Variants in RARB observed in about 807,000 individuals in gnomAD.
RARB encodes the protein retinoic acid receptor beta.
In RARB, 17 loss-of-function variants were observed where a neutral mutation model predicts 51.9. The observed-to-expected ratio is 0.33, with a 90% CI of 0.22 to 0.49. The LOEUF is 0.49. RARB is among the 20% of genes least tolerant of loss of function. The probability of loss-of-function intolerance (pLI) is 0.99; values close to 1 mark genes in which losing one functional copy is unlikely to be tolerated. For synonymous variants in RARB, 215 were observed against 195.4 expected (o/e 1.10, Z -0.84); for missense variants, 369 against 550.8 (o/e 0.67, Z 3.30).
At chr3:24,863,919 G>A (rs958236482) in intron 2 of RARB, among the ~76,000 whole-genome samples, 1 of 151,934 alleles carries the variant, frequency 6.6e-6, no homozygotes, top group Non-Finnish European at 1.5e-5. Flanking sequence ...ACCTTCTCCT[G>A]TTCAAGGCCC....
At chr3:24,838,544 A>C (rs1443776368) in intron 1 of RARB, among the ~76,000 whole-genome samples, 2 of 152,246 alleles carry the variant, frequency 1.3e-5, no homozygotes, top group African/African-American at 4.8e-5. Flanking sequence ...AGCTTTTGGC[A>C]AAGGACAAAG....
chr3:25,490,963 C>A (rs1473692145), intron 2 of RARB, among the ~76,000 whole-genome samples: 6 of 152,140 alleles, frequency 3.9e-5, no homozygotes, highest in African/African-American at 1.2e-4. Context: ...TACAGTTTTT[C>A]TTCCTACCAC....
intron 5 of RARB, among the ~76,000 whole-genome samples, chr3:25,199,751 C>T (rs573055823): frequency 5.9e-5 from 9 of 152,218 alleles, no homozygotes; most frequent in East Asian, 1.9e-4. Context: ...CAGCTTCATC[C>T]GTGTCCCTAC....
chr3:25,226,645 G>C (rs892807324), intron 5 of RARB, among the ~76,000 whole-genome samples: 28 of 152,142 alleles, frequency 1.8e-4, no homozygotes, highest in African/African-American at 6.3e-4. Flanking sequence ...TTGTCTTCAA[G>C]CAGGTTGGCT....
In RARB at chr3:25,433,425, G is replaced by A. The variant is rs145282117; in HGVS notation, c.157+4537G>A. ...ATTCTTATGAACATGAATTCCTTTC[G>A]TAGCAAACTATAGATCTGTGAATAG... On this transcript the variant is annotated intron_variant, in intron 1 of 7. Coordinates refer to ENST00000330688, the MANE Select transcript of RARB (RefSeq NM_000965.5). 2.3e-4 allele frequency among the ~76,000 whole-genome samples: 35 copies of A among 152,268 alleles called. No individual in the cohort carries two copies. In the East Asian group the frequency reaches 4.8e-3, roughly 21 times the overall value.
intron 5 of RARB, among the ~76,000 whole-genome samples, chr3:25,376,580 G>A (rs1413559657): frequency 1.3e-5 from 2 of 152,302 alleles, no homozygotes; most frequent in Middle Eastern, 3.4e-3. Flanking sequence ...GCTGACAGAT[G>A]TGTAAAAGTG....
chr3:24,981,169 T>A (rs556617457), intron 2 of RARB, among the ~76,000 whole-genome samples: 1 of 152,156 alleles, frequency 6.6e-6, no homozygotes, highest in Non-Finnish European at 1.5e-5. Flanking sequence ...CCCATCTGTA[T>A]GAGGTGTCCG....
intron 3 of RARB, among the ~76,000 whole-genome samples, chr3:25,066,447 A>G (rs146618316): frequency 7.7e-4 from 117 of 152,296 alleles, no homozygotes; most frequent in African/African-American, 2.7e-3. Context: ...TTTGTGCCCT[A>G]TTCTTCCCTG....
intron 5 of RARB, among the ~76,000 whole-genome samples, chr3:25,226,372 C>T (rs1702056841): frequency 1.3e-5 from 2 of 152,004 alleles, no homozygotes; most frequent in African/African-American, 4.8e-5. Flanking sequence ...TTAGTTTTAC[C>T]CCTAAATAGC....
intron 5 of RARB, among the ~76,000 whole-genome samples, chr3:25,414,929 C>T (rs1283147320): frequency 6.6e-6 from 1 of 152,176 alleles, no homozygotes; most frequent in Non-Finnish European, 1.5e-5. Flanking sequence ...GCAACCTCCA[C>T]CTCCTGGGTT....
intron 2 of RARB, among the ~76,000 whole-genome samples, chr3:24,963,414 A>T (rs971669657): frequency 2.2e-4 from 30 of 134,374 alleles, no homozygotes; most frequent in African/African-American, 7.5e-4. Context: ...ATGGCTTCCC[A>T]TCCTTGTTGT....
chr3:25,195,549 C>T (rs140419375), intron 5 of RARB, among the ~76,000 whole-genome samples: 5 of 151,998 alleles, frequency 3.3e-5, no homozygotes, highest in Admixed American at 1.3e-4. Context: ...CCTTTAACTA[C>T]TTTCCAACTT....
intron 3 of RARB, among the ~76,000 whole-genome samples, chr3:25,116,228 C>T (rs553779032): frequency 1.3e-5 from 2 of 152,294 alleles, no homozygotes; most frequent in Middle Eastern, 3.4e-3. Flanking sequence ...TGCAGCAACC[C>T]AGGAGTCCCC....
At chr3:24,950,610 G>A (rs771513571) in intron 2 of RARB, among the ~76,000 whole-genome samples, 4 of 152,008 alleles carry the variant, frequency 2.6e-5, no homozygotes, top group African/African-American at 4.8e-5. Context: ...AGCCAGAGAT[G>A]GGAACCATTG....
rs1208414884 is a variant in RARB at position 25,498,385 on chromosome 3, C to T, written c.307-2797C>T. Among the ~76,000 whole-genome samples, 3 of 152,204 alleles carry T rather than the reference C, an allele frequency of 2.0e-5. No individual in the cohort carries two copies. The Middle Eastern group carries it at 0.01, about 518-fold the overall frequency. ...AATTTTTATGATGCAAACCTCTATT[C>T]GGCTTGGAGGGCACGTCTGTTTACT... On this transcript the variant is annotated intron_variant, in intron 2 of 7. Coordinates refer to ENST00000330688, the MANE Select transcript of RARB (RefSeq NM_000965.5).
chr3:25,315,446 T>C (rs2125436124), intron 5 of RARB, among the ~76,000 whole-genome samples: 1 of 152,344 alleles, frequency 6.6e-6, no homozygotes, highest in East Asian at 1.9e-4. Flanking sequence ...GGAAGGGGTC[T>C]GCACAGTGAG....
intron 3 of RARB, among the ~76,000 whole-genome samples, chr3:25,081,621 A>ATATATATATATATATATAT (rs1553631108): frequency 1.7e-4 from 1 of 5,804 alleles, no homozygotes; most frequent in African/African-American, 5.9e-4. Flanking sequence ...ATATATATAT[A>ATATATATATATATATATAT]TTTTTTTTTT....
chr3:24,939,050 T>C (rs757126382), intron 2 of RARB, among the ~76,000 whole-genome samples: 8 of 152,058 alleles, frequency 5.3e-5, no homozygotes, highest in Admixed American at 1.3e-4. Context: ...TGACGTGGTC[T>C]CAGCTCACTG....
At chr3:25,259,623 G>A (rs1366416404) in intron 5 of RARB, among the ~76,000 whole-genome samples, 1 of 152,136 alleles carries the variant, frequency 6.6e-6, no homozygotes, top group Non-Finnish European at 1.5e-5. Flanking sequence ...TCCATTGTGT[G>A]AAGCTAATGA....
Sources: gnomAD v4.1 joint callset for allele counts (sites outside exome capture counted in the v4.1 genomes callset) on GRCh38, gnomAD v4.1.1 for gene constraint, MANE v1.5 for transcripts, NCBI Gene and HGNC (gene_info 2026-07-23, HGNC 2026-07-21) for gene names.